IL1RAPL2: variants seen among roughly 807,000 people sequenced by gnomAD.
IL1RAPL2 encodes X-linked interleukin-1 receptor accessory protein-like 2.
Under a neutral mutation model 44.1 loss-of-function variants are expected in IL1RAPL2, and 3 were observed. The ratio of observed to expected loss-of-function variants is 0.07; its 90% CI spans 0.03 to 0.18. The LOEUF is 0.18. Ranked by LOEUF, IL1RAPL2 falls within the 10% of genes least tolerant of loss-of-function variation. The probability of loss-of-function intolerance (pLI) is 1.00; values close to 1 mark genes in which losing one functional copy is unlikely to be tolerated. For synonymous variants in IL1RAPL2, 181 were observed against 178.8 expected, an observed-to-expected ratio of 1.01 and a Z score of -0.10; for missense variants, 391 against 496.4, an observed-to-expected ratio of 0.79 and a Z score of 2.02.
intron 2 of IL1RAPL2, among the ~76,000 whole-genome samples, chrX:104,874,231 T>C (rs1164900940): frequency 9.1e-6 from 1 of 109,739 alleles, no homozygotes; most frequent in Non-Finnish European, 1.9e-5. Context: ...ATCTTGTCTA[T>C]TTACAGACCT....
At chrX:105,670,874 GGTGT>G (rs768443972) in intron 6 of IL1RAPL2, among the ~76,000 whole-genome samples, 1 of 105,622 alleles carries the variant, frequency 9.5e-6, no homozygotes, top group Non-Finnish European at 1.9e-5. Flanking sequence ...AATATTTTTT[GGTGT>G]GTGTGTGTGC....
intron 6 of IL1RAPL2, among the ~76,000 whole-genome samples, chrX:105,498,060 T>A (rs2036367745): frequency 9.0e-6 from 1 of 111,385 alleles, no homozygotes; most frequent in South Asian, 3.7e-4. Context: ...GCCAGAGCGA[T>A]CAGGCAAGAA....
chrX:104,638,825 T>A (rs1278761396), intron 1 of IL1RAPL2, among the ~76,000 whole-genome samples: 1 of 112,360 alleles, frequency 8.9e-6, no homozygotes, highest in Non-Finnish European at 1.9e-5. Flanking sequence ...GAAAAGAATA[T>A]GTATTCTGAA....
rs1372239245 is a variant in IL1RAPL2, at chrX:105,073,973, C to T, written c.83-121502C>T. ...GTCCAATGAGTAGGTTGCAAAAATT[C>T]TCTCCCATTCTGTAGGTTGCCTGTT... is the stretch of plus-strand genomic sequence containing the variant. On this transcript the variant is annotated intron_variant, in intron 2 of 10. Transcript: ENST00000372582. Among the ~76,000 whole-genome samples, 134 of 111,141 alleles carry T rather than the reference C, an allele frequency of 1.2e-3. 1 individual carries two copies. The highest frequency in any genetic ancestry group is 5.4e-3 in the South Asian group (14 of 2,608).
intron 2 of IL1RAPL2, among the ~76,000 whole-genome samples, chrX:104,909,289 A>G (rs1924145339): frequency 9.0e-6 from 1 of 111,565 alleles, no homozygotes; most frequent in South Asian, 3.8e-4. Context: ...TTTGGTTTGA[A>G]TGTCCTCCCG....
chrX:104,920,455 C>T (rs1924600676), intron 2 of IL1RAPL2, among the ~76,000 whole-genome samples: 1 of 108,488 alleles, frequency 9.2e-6, no homozygotes, highest in Admixed American at 9.9e-5. Context: ...TCCTGTATCA[C>T]TTGGTGATGT....
At chrX:105,458,909 A>G (rs2036074856) in intron 5 of IL1RAPL2, among the ~76,000 whole-genome samples, 1 of 111,371 alleles carries the variant, frequency 9.0e-6, no homozygotes, top group Non-Finnish European at 1.9e-5. Context: ...GCTTCCTCCA[A>G]TGGCTGCTAG....
chrX:105,447,394 T>C (rs1300142500), intron 5 of IL1RAPL2, among the ~76,000 whole-genome samples: 2 of 68,699 alleles, frequency 2.9e-5, no homozygotes, highest in African/African-American at 6.5e-5. Context: ...TAAATATAAA[T>C]ATATAAATAT....
chrX:105,365,012 T>A (rs1245681032), intron 5 of IL1RAPL2, among the ~76,000 whole-genome samples: 1 of 111,823 alleles, frequency 8.9e-6, no homozygotes, highest in East Asian at 2.8e-4. Context: ...ACCTTTCTTG[T>A]TGAGTATGAT....
At chrX:105,374,754 C>T (rs1282636515) in intron 5 of IL1RAPL2, among the ~76,000 whole-genome samples, 1 of 109,156 alleles carries the variant, frequency 9.2e-6, no homozygotes, top group Non-Finnish European at 1.9e-5. Context: ...CGAGACCATC[C>T]TGGCTAACAC....
intron 2 of IL1RAPL2, among the ~76,000 whole-genome samples, chrX:105,009,973 AT>A (rs1302134251): frequency 9.1e-6 from 1 of 110,400 alleles, no homozygotes; most frequent in Non-Finnish European, 1.9e-5. Flanking sequence ...TTTTTAATTA[AT>A]TTTTTTATTT....
At chrX:104,739,697 G>A (rs1048966857) in intron 2 of IL1RAPL2, among the ~76,000 whole-genome samples, 1 of 111,755 alleles carries the variant, frequency 8.9e-6, no homozygotes, top group Non-Finnish European at 1.9e-5. Flanking sequence ...TTGCTCTGTG[G>A]ATCAAAATTT....
intron 2 of IL1RAPL2, among the ~76,000 whole-genome samples, chrX:104,932,662 T>C (rs911269452): frequency 8.0e-5 from 9 of 111,998 alleles, no homozygotes; most frequent in African/African-American, 2.3e-4. Flanking sequence ...AAAATGAATT[T>C]TGGGGGAGAA....
intron 5 of IL1RAPL2, among the ~76,000 whole-genome samples, chrX:105,339,764 C>A (rs2035056530): frequency 9.0e-6 from 1 of 111,076 alleles, no homozygotes; most frequent in African/African-American, 3.3e-5. Context: ...TCAGGGTAGA[C>A]AATATACATA....
chrX:104,641,611 A>AC (rs1929935886), intron 1 of IL1RAPL2, among the ~76,000 whole-genome samples: 1 of 111,198 alleles, frequency 9.0e-6, no homozygotes, highest in African/African-American at 3.3e-5. Flanking sequence ...TCATGCCCCC[A>AC]CCCCAGATGC....
chrX:104,791,619 G>C (rs1932826822), intron 2 of IL1RAPL2, among the ~76,000 whole-genome samples: 1 of 111,991 alleles, frequency 8.9e-6, no homozygotes, highest in Non-Finnish European at 1.9e-5. Flanking sequence ...TGCTCCCTTA[G>C]TTTCCCAGCA....
chrX:104,636,887 C>T (rs57554067), intron 1 of IL1RAPL2, among the ~76,000 whole-genome samples: 1 of 111,552 alleles, frequency 9.0e-6, no homozygotes, highest in East Asian at 2.9e-4. Context: ...TGAGATGAAC[C>T]CGGTACCTCA....
chrX:105,644,607 T>C (rs778496655), intron 6 of IL1RAPL2, among the ~76,000 whole-genome samples: 1 of 111,229 alleles, frequency 9.0e-6, no homozygotes, highest in Non-Finnish European at 1.9e-5. Flanking sequence ...CTTGTTATTT[T>C]CTTATTTTTT....
At chrX:105,283,623 G>T (rs923128897) in intron 5 of IL1RAPL2, among the ~76,000 whole-genome samples, 7 of 111,284 alleles carry the variant, frequency 6.3e-5, no homozygotes, top group African/African-American at 2.0e-4. Flanking sequence ...GAGGAAGACT[G>T]AGGGAGGTCA....
Sources: gnomAD v4.1 joint callset for allele counts (sites outside exome capture counted in the v4.1 genomes callset) on GRCh38, gnomAD v4.1.1 for gene constraint, MANE v1.5 for transcripts, NCBI Gene and HGNC (gene_info 2026-07-23, HGNC 2026-07-21) for gene names.